RNF180: variants seen among roughly 807,000 people sequenced by gnomAD.
RNF180 encodes the protein ring finger protein 180.
Under a neutral mutation model 59.2 loss-of-function variants are expected in RNF180, and 38 were observed. The ratio of observed to expected loss-of-function variants is 0.64; its 90% confidence interval spans 0.50 to 0.84. The LOEUF is 0.84. Among genes scored for constraint, RNF180 ranks in the 40% least tolerant of loss-of-function variants. The pLI is 0.00. For missense variants in RNF180, 705 were observed against 700.9 expected (o/e 1.01, Z -0.07); for synonymous variants, 262 against 240.3 (o/e 1.09, Z -0.84).
chr5:64,263,319 G>C (rs1259134225), intron 5 of RNF180, among the ~76,000 whole-genome samples: 1 of 152,054 alleles, frequency 6.6e-6, no homozygotes, highest in African/African-American at 2.4e-5. Flanking sequence ...AACACTTGCC[G>C]GTCTCCATGG....
At chr5:64,183,437 A>G (rs1433480000) in intron 1 of RNF180, among the ~76,000 whole-genome samples, 2 of 141,436 alleles carry the variant, frequency 1.4e-5, no homozygotes, top group East Asian at 2.1e-4. Context: ...GGGAGAAAGT[A>G]TACCTTTTTT....
chr5:64,236,372 C>T (rs112309181), intron 5 of RNF180, among the ~76,000 whole-genome samples: 3 of 152,062 alleles, frequency 2.0e-5, no homozygotes, highest in Non-Finnish European at 2.9e-5. Context: ...GAAGAAATTT[C>T]GAAGCAGCAA....
chr5:64,256,636 G>A (rs1751773626), intron 5 of RNF180, among the ~76,000 whole-genome samples: 1 of 152,214 alleles, frequency 6.6e-6, no homozygotes, highest in Non-Finnish European at 1.5e-5. Context: ...CAGGTAGCGT[G>A]ATGCCTCCAG....
At chr5:64,262,397 A>G (rs1744398467) in intron 5 of RNF180, among the ~76,000 whole-genome samples, 1 of 152,040 alleles carries the variant, frequency 6.6e-6, no homozygotes, top group African/African-American at 2.4e-5. Flanking sequence ...TCATATACCA[A>G]CTTGTACATT....
intron 6 of RNF180, among the ~76,000 whole-genome samples, chr5:64,328,654 G>A (rs1744761254): frequency 6.6e-6 from 1 of 152,208 alleles, no homozygotes; most frequent in South Asian, 2.1e-4. Flanking sequence ...AACTTCAGTT[G>A]CCTAGAGTAG....
rs546131405 is a variant in RNF180, at chr5:64,349,849, A to T, written c.1579+19443A>T. Among the ~76,000 whole-genome samples the T allele has an allele frequency of 5.8e-3, 880 of 152,198 alleles. 5 individuals are homozygous for T. The highest frequency in any genetic ancestry group is 0.01 in the Non-Finnish European group (690 of 68,000). ...ATCCAGTCTATCATTGCTAGACATT[A>T]GGGTTGGTTCCAAGTCTTTGCTATT... On this transcript the variant is annotated intron_variant, in intron 7 of 7. Transcript: ENST00000389100.
At chr5:64,329,723 G>T (rs1221130956) in intron 6 of RNF180, among the ~76,000 whole-genome samples, 1 of 152,178 alleles carries the variant, frequency 6.6e-6, no homozygotes, top group Non-Finnish European at 1.5e-5. Flanking sequence ...ATCCCAAAGT[G>T]CTGGGATTAC....
intron 2 of RNF180, among the ~76,000 whole-genome samples, chr5:64,202,603 T>C (rs1579991572): frequency 6.6e-6 from 1 of 152,202 alleles, no homozygotes; most frequent in African/African-American, 2.4e-5. Context: ...TAGCAACATA[T>C]GAGAATTCCA....
chr5:64,307,608 A>AC, intron 5 of RNF180, among the ~76,000 whole-genome samples: 1 of 151,714 alleles, frequency 6.6e-6, no homozygotes, highest in East Asian at 1.9e-4. Context: ...CTCATAACTT[A>AC]AAAATATCAT....
chr5:64,327,297 G>C (rs1474662481), intron 6 of RNF180, among the ~76,000 whole-genome samples: 3 of 151,526 alleles, frequency 2.0e-5, no homozygotes, highest in African/African-American at 7.3e-5. Context: ...TTCTACTCTG[G>C]TCTTTATTAT....
chr5:64,352,992 A>G (rs976860132), intron 7 of RNF180, among the ~76,000 whole-genome samples: 17 of 152,000 alleles, frequency 1.1e-4, no homozygotes, highest in African/African-American at 4.1e-4. Flanking sequence ...ATGATCTAAT[A>G]TAGTCTGTTC....
intron 5 of RNF180, among the ~76,000 whole-genome samples, chr5:64,254,639 CTT>C (rs1424991720): frequency 6.6e-6 from 1 of 152,076 alleles, no homozygotes; most frequent in Admixed American, 6.6e-5. Context: ...GGGACAGTCT[CTT>C]AAGATTATCC....
chr5:64,217,401 G>A lies in RNF180; in HGVS notation c.1227+5G>A. The A allele has an allele frequency of 7.1e-7, 1 of 1,403,352 alleles. No individual in the cohort carries two copies. 86.9% of individuals were successfully genotyped at this position (1,403,352 alleles called of 1,614,324 possible). On this transcript the variant is annotated splice_donor_5th_base_variant and intron_variant, in intron 5 of 7. Coordinates refer to ENST00000389100, the MANE Select transcript of RNF180 (RefSeq NM_001113561.2). ...GTGGGATTGCTGGATCATATGGTAA[G>A]TATATATTTACTTATATGAGAAATT...
Position 64,369,665 on chromosome 5 carries a change from G to A in RNF180, c.1630G>A (p.Ala544Thr), listed in dbSNP as rs774684839. The change falls in exon 8 of 8, where the codon GCA becomes ACA. Residue 544 changes from alanine to threonine, a missense_variant. Ala to Thr is a moderately conservative substitution (Grantham distance 58). Coordinates refer to ENST00000389100, the MANE Select transcript of RNF180 (RefSeq NM_001113561.2). ...TACAAGAAGGCAGTTCCCACACGGT[G>A]CACACAGGATGGATTACCTGCACTT... ...PVTRRQFPHGAHRMDYLHFED... is the reference protein window; with the variant it reads ...PVTRRQFPHGTHRMDYLHFED... 1.9e-6 allele frequency: 3 copies of A among 1,544,522 alleles called. No individual in the cohort carries two copies. The highest frequency in any genetic ancestry group is 2.6e-6 in the Non-Finnish European group (3 of 1,144,206).
intron 5 of RNF180, among the ~76,000 whole-genome samples, chr5:64,237,124 C>G (rs186054631): frequency 6.6e-6 from 1 of 152,304 alleles, no homozygotes; most frequent in Admixed American, 6.5e-5. Context: ...GATCCACTGA[C>G]AGCTTGCACC....
intron 5 of RNF180, among the ~76,000 whole-genome samples, chr5:64,220,565 C>G (rs1337754239): frequency 6.6e-6 from 1 of 152,098 alleles, no homozygotes; most frequent in Non-Finnish European, 1.5e-5. Flanking sequence ...AAATTTTAAT[C>G]CTAGAACAAA....
chr5:64,223,258 T>G (rs1293929087), intron 5 of RNF180, among the ~76,000 whole-genome samples: 1 of 152,222 alleles, frequency 6.6e-6, no homozygotes, highest in East Asian at 1.9e-4. Flanking sequence ...ACATCTTCTT[T>G]CTGACCCTTT....
intron 1 of RNF180, among the ~76,000 whole-genome samples, chr5:64,178,236 G>A (rs1750367446): frequency 6.7e-6 from 1 of 149,766 alleles, no homozygotes; most frequent in South Asian, 2.1e-4. Flanking sequence ...AAGCCTGCCT[G>A]ACAAGAACTC....
At position 64,369,883 on chromosome 5, in the gene RNF180, A is replaced by C; in HGVS notation, c.*69A>C. 1.1e-6 allele frequency: 1 copy of C among 928,844 alleles called. No homozygotes were observed. The highest frequency in any genetic ancestry group is 1.5e-6 in the Non-Finnish European group (1 of 659,724). 57.5% of individuals were successfully genotyped at this position (928,844 alleles called of 1,614,324 possible). A position where few individuals can be genotyped will look rare whatever the true frequency, so the allele number is the denominator to read the frequency against. On this transcript the variant is annotated 3_prime_UTR_variant, in exon 8 of 8. Transcript: ENST00000389100. The stretch of plus-strand genomic sequence containing the variant: ...AATAACAATTGCTTAAACATTTTTA[A>C]ATGTGCTTTGAAGTTTTTTTAATGT...
Sources: allele counts gnomAD v4.1 joint callset (sites outside exome capture counted in the v4.1 genomes callset), GRCh38; gene constraint gnomAD v4.1.1; transcripts MANE v1.5; gene names NCBI Gene and HGNC (gene_info 2026-07-23, HGNC 2026-07-21).